The following LRFN5 variants were observed in gnomAD, a reference collection of about 807,000 sequenced individuals.
The protein encoded by LRFN5 is leucine-rich repeat and fibronectin type-III domain-containing protein 5.
Under a neutral mutation model 45.6 loss-of-function variants are expected in LRFN5, and 24 were observed. The ratio of observed to expected loss-of-function variants is 0.53; its 90% CI spans 0.38 to 0.74. The LOEUF (loss-of-function observed/expected upper bound fraction) is 0.74, where lower values mean the gene tolerates loss of function less well. Among genes scored for constraint, LRFN5 ranks in the 30% least tolerant of loss-of-function variants. The pLI is 0.00. For synonymous variants in LRFN5, 340 were observed against 313.8 expected (o/e 1.08, Z -0.88); for missense variants, 776 against 861.5 (o/e 0.90, Z 1.24).
intron 2 of LRFN5, among the ~76,000 whole-genome samples, chr14:41,857,897 T>C (rs1038750867): frequency 2.6e-5 from 4 of 152,122 alleles, no homozygotes; most frequent in East Asian, 1.9e-4. Flanking sequence ...GATAGTTCCA[T>C]TGGATGTGAA....
chr14:41,646,929 T>G (rs1879844650), intron 1 of LRFN5, among the ~76,000 whole-genome samples: 1 of 152,236 alleles, frequency 6.6e-6, no homozygotes, highest in Non-Finnish European at 1.5e-5. Context: ...ATCTTGAGCA[T>G]ATCTAAATTG....
At chr14:41,894,657 A>G (rs1890882761) in intron 4 of LRFN5, 3 of 985,176 alleles carry the variant, frequency 3.0e-6, no homozygotes, top group Non-Finnish European at 3.6e-6. Context: ...AAGTAAGTCT[A>G]CAGAAAAGGT....
At chr14:41,886,310 C>T (rs145214316) in intron 2 of LRFN5, among the ~76,000 whole-genome samples, 52 of 152,216 alleles carry the variant, frequency 3.4e-4, no homozygotes, top group African/African-American at 1.2e-3. Flanking sequence ...TTGGTTCACC[C>T]ATGGAGTACC....
chr14:41,771,289 A>T (rs1482392505), intron 2 of LRFN5, among the ~76,000 whole-genome samples: 3 of 151,238 alleles, frequency 2.0e-5, no homozygotes, highest in Non-Finnish European at 4.4e-5. Flanking sequence ...CCTTCAAGGC[A>T]TTTTTCCCAT....
At chr14:41,714,593 T>C (rs1883413500) in intron 1 of LRFN5, among the ~76,000 whole-genome samples, 1 of 152,162 alleles carries the variant, frequency 6.6e-6, no homozygotes, top group African/African-American at 2.4e-5. Flanking sequence ...ATTGGTATTT[T>C]AGATTTTTTT....
At chr14:41,664,442 G>A (rs1393936568) in intron 1 of LRFN5, among the ~76,000 whole-genome samples, 5 of 151,840 alleles carry the variant, frequency 3.3e-5, no homozygotes, top group African/African-American at 9.7e-5. Context: ...TCACCAGTTT[G>A]AGAATTAACT....
chr14:41,887,092 A>G lies in LRFN5; in HGVS notation c.467A>G (p.Tyr156Cys), dbSNP rs905982839. The G allele has an allele frequency of 6.8e-6, 11 of 1,613,978 alleles. No homozygotes were observed. The highest frequency in any genetic ancestry group is 9.3e-6 in the Non-Finnish European group (11 of 1,180,036). Residue 156 changes from tyrosine to cysteine, a missense_variant, in exon 3 of 6, where the codon TAT becomes TGT. Coordinates refer to ENST00000298119, the MANE Select transcript of LRFN5 (RefSeq NM_152447.5). The surrounding 1 kb of genome is among the most constrained non-coding windows in gnomAD (Gnocchi z 4.8). ...VFALEELDLS[Y>C]NNLETIPWDA... The stretch of plus-strand genomic sequence containing the variant: ...GCCCTTGAGGAGCTGGATCTGTCCT[A>G]TAATAATCTAGAAACCATTCCTTGG...
intron 2 of LRFN5, among the ~76,000 whole-genome samples, chr14:41,816,882 C>A (rs1198746143): frequency 1.3e-5 from 2 of 151,090 alleles, no homozygotes; most frequent in Non-Finnish European, 2.9e-5. Flanking sequence ...CTTTTTTATT[C>A]TTTTTCTAGA....
At chr14:41,781,558 G>GAGAAAGAAGGAAAGAA (rs1327669427) in intron 2 of LRFN5, among the ~76,000 whole-genome samples, 9 of 106,934 alleles carry the variant, frequency 8.4e-5, no homozygotes, top group Admixed American at 3.3e-4. Context: ...AGAAAAGAAA[G>GAGAAAGAAGGAAAGAA]AGAAAGAAAG....
chr14:41,844,623 A>C (rs1888996367), intron 2 of LRFN5, among the ~76,000 whole-genome samples: 1 of 152,068 alleles, frequency 6.6e-6, no homozygotes, highest in South Asian at 2.1e-4. Flanking sequence ...AATACACATA[A>C]CCATGGTATG....
rs546313100 is a variant in LRFN5 at position 41,898,349 on chromosome 14, G to A, written c.2099-568G>A. ...ACCTACATATAAACATTTAAAGGAA[G>A]GTTGTTCGTATTTAGAATGTTAGTG... On this transcript the variant is annotated intron_variant, in intron 4 of 5. Transcript: ENST00000298119. 7.2e-5 allele frequency among the ~76,000 whole-genome samples: 11 copies of A among 152,144 alleles called. No individual in the cohort carries two copies. The South Asian group carries it at 2.3e-3, about 32-fold the overall frequency.
intron 1 of LRFN5, among the ~76,000 whole-genome samples, chr14:41,722,525 T>C (rs1883762789): frequency 6.6e-6 from 1 of 152,076 alleles, no homozygotes; most frequent in South Asian, 2.1e-4. Flanking sequence ...TGTGAATAAT[T>C]TTTTTTCTTT....
intron 2 of LRFN5, among the ~76,000 whole-genome samples, chr14:41,786,306 A>G (rs949818984): frequency 1.3e-5 from 2 of 152,086 alleles, no homozygotes; most frequent in African/African-American, 2.4e-5. Context: ...CAGTAGTATA[A>G]GTCCACAGGT....
At chr14:41,611,486 C>G (rs969556717) in intron 1 of LRFN5, among the ~76,000 whole-genome samples, 1 of 152,250 alleles carries the variant, frequency 6.6e-6, no homozygotes, top group Non-Finnish European at 1.5e-5. Flanking sequence ...ATTTCCCAGC[C>G]AAAAGCCTCC....
intron 2 of LRFN5, among the ~76,000 whole-genome samples, chr14:41,866,369 T>TA (rs1426085479): frequency 1.3e-5 from 2 of 152,114 alleles, no homozygotes; most frequent in Non-Finnish European, 2.9e-5. Flanking sequence ...TCAGGGCAGT[T>TA]ACAGCTGAGG....
intron 2 of LRFN5, among the ~76,000 whole-genome samples, chr14:41,800,691 A>G (rs1432277147): frequency 6.6e-6 from 1 of 151,834 alleles, no homozygotes; most frequent in Non-Finnish European, 1.5e-5. Flanking sequence ...TAAATGCAGC[A>G]TACACGGCAA....
intron 1 of LRFN5, among the ~76,000 whole-genome samples, chr14:41,636,635 G>T (rs571655767): frequency 1.3e-5 from 2 of 152,062 alleles, no homozygotes; most frequent in African/African-American, 4.8e-5. Flanking sequence ...AAAGTAAGTA[G>T]GTGCTTAGGC....
chr14:41,660,724 G>A (rs1880610284), intron 1 of LRFN5, among the ~76,000 whole-genome samples: 1 of 151,706 alleles, frequency 6.6e-6, no homozygotes, highest in Non-Finnish European at 1.5e-5. Flanking sequence ...GTTAAGTATT[G>A]GATGTGACTT....
At chr14:41,650,592 A>T (rs1201366263) in intron 1 of LRFN5, among the ~76,000 whole-genome samples, 1 of 152,198 alleles carries the variant, frequency 6.6e-6, no homozygotes, top group East Asian at 1.9e-4. Context: ...CTTAAATATT[A>T]GTAAGGCTTT....
Sources: allele counts gnomAD v4.1 joint callset (sites outside exome capture counted in the v4.1 genomes callset), GRCh38; gene constraint gnomAD v4.1.1; non-coding constraint Gnocchi (gnomAD v3.1); transcripts MANE v1.5; gene names NCBI Gene and HGNC (gene_info 2026-07-23, HGNC 2026-07-21).